FBXW7: variants seen among roughly 807,000 people sequenced by gnomAD.
The protein encoded by FBXW7 is F-box/WD repeat-containing protein 7.
FBXW7 carries 11 observed loss-of-function variants against 86.3 expected under a neutral mutation model. The observed-to-expected ratio is 0.13, with a 90% CI of 0.08 to 0.21. The LOEUF (loss-of-function observed/expected upper bound fraction) is 0.21. FBXW7 is among the 10% of genes least tolerant of loss of function. FBXW7 has a pLI of 1.00. For synonymous variants in FBXW7, 313 were observed against 297.9 expected, an observed-to-expected ratio of 1.05 and a Z score of -0.52; for missense variants, 488 against 847.4, an observed-to-expected ratio of 0.58 and a Z score of 5.27.
intron 4 of FBXW7, among the ~76,000 whole-genome samples, chr4:152,389,248 A>G (rs867989537): frequency 9.2e-5 from 14 of 152,124 alleles, no homozygotes; most frequent in Non-Finnish European, 1.9e-4. Flanking sequence ...AACTAATAAT[A>G]GAACTATCAT....
At position 152,411,722 on chromosome 4, in the gene FBXW7, C is replaced by T. The variant is rs2126882174; in HGVS notation, c.82G>A (p.Val28Ile). ...SLRGNPSSSQ[V>I]DEEQMNRVVE... ...ACACGATTCATCTGTTCTTCATCTA[C>T]CTGGCTTGAGGAAGGGTTACCTCTC... Residue 28 changes from valine to isoleucine, a missense_variant, in exon 4 of 14, where the codon GTA becomes ATA. This residue lies in a region of FBXW7 where 230 missense variants were observed against 240.0 expected (regional missense o/e 0.96). Transcript: ENST00000281708. The T allele has an allele frequency of 6.2e-7, 1 of 1,613,692 alleles. No individual in the cohort carries two copies. The highest frequency in any genetic ancestry group is 8.5e-7 in the Non-Finnish European group (1 of 1,179,812).
intron 2 of FBXW7, among the ~76,000 whole-genome samples, chr4:152,426,943 C>T (rs1739444900): frequency 1.3e-5 from 2 of 152,166 alleles, no homozygotes; most frequent in Admixed American, 1.3e-4. Flanking sequence ...GTACACAATA[C>T]AACGGGGAGC....
intron 4 of FBXW7, among the ~76,000 whole-genome samples, chr4:152,362,526 T>C (rs1207652569): frequency 6.6e-5 from 10 of 151,902 alleles, no homozygotes; most frequent in Admixed American, 6.6e-4. Context: ...AAAAAGAACT[T>C]AGGGCCGGGC....
At chr4:152,502,729 G>A (rs1158512473) in intron 2 of FBXW7, among the ~76,000 whole-genome samples, 1 of 152,048 alleles carries the variant, frequency 6.6e-6, no homozygotes, top group Non-Finnish European at 1.5e-5. Context: ...ACTGGAAGAA[G>A]GTATGCTAGA....
At chr4:152,365,075 G>A (rs1286325027) in intron 4 of FBXW7, among the ~76,000 whole-genome samples, 1 of 152,134 alleles carries the variant, frequency 6.6e-6, no homozygotes, top group Non-Finnish European at 1.5e-5. Context: ...TTCGAAGAGT[G>A]TTAAGAATGG....
chr4:152,532,022 T>C (rs1750066289), intron 2 of FBXW7, among the ~76,000 whole-genome samples: 2 of 152,330 alleles, frequency 1.3e-5, no homozygotes, highest in South Asian at 2.1e-4. Context: ...GTCTCATTCA[T>C]TCAGATTTTC....
rs990378153 is a variant in FBXW7, at chr4:152,321,120, A to C, written c.*1761T>G. 6 of 195,654 alleles carry C rather than the reference A, an allele frequency of 3.1e-5. No individual in the cohort carries two copies. Among genetic ancestry groups the C allele is most frequent in the Admixed American group, 1.8e-4 (3 of 16,488 alleles). The allele number at this position is 195,654 out of a possible 1,614,324, so 12.1% of individuals were successfully genotyped here. On this transcript the variant is annotated 3_prime_UTR_variant, in exon 14 of 14. Transcript: ENST00000281708. ...ACATTATCCTTACTTTCGCGGTATA[A>C]AACAGGCTTGAAGTATTGATTTCTA...
chr4:152,459,943 T>C (rs971543774), intron 2 of FBXW7, among the ~76,000 whole-genome samples: 2 of 152,068 alleles, frequency 1.3e-5, no homozygotes, highest in Non-Finnish European at 2.9e-5. Flanking sequence ...ATAGCCAAAT[T>C]CATAAAGACA....
At chr4:152,341,574 T>C (rs1443004791) in intron 6 of FBXW7, among the ~76,000 whole-genome samples, 1 of 152,238 alleles carries the variant, frequency 6.6e-6, no homozygotes, top group Non-Finnish European at 1.5e-5. Flanking sequence ...AAATGTTTAC[T>C]GAATAAATAA....
At chr4:152,384,829 G>A (rs898612477) in intron 4 of FBXW7, among the ~76,000 whole-genome samples, 1 of 151,848 alleles carries the variant, frequency 6.6e-6, no homozygotes, top group Non-Finnish European at 1.5e-5. Flanking sequence ...CCTATAAACT[G>A]GTAGTAGAAA....
At chr4:152,409,525 G>A (rs1737734395) in intron 4 of FBXW7, among the ~76,000 whole-genome samples, 1 of 151,964 alleles carries the variant, frequency 6.6e-6, no homozygotes, top group African/African-American at 2.4e-5. Flanking sequence ...GGAATACTCT[G>A]GCAGAAGGGT....
In FBXW7 at chr4:152,391,633, G is replaced by C. The variant is rs1008341335; in HGVS notation, c.501+19670C>G. Among the ~76,000 whole-genome samples the C allele has an allele frequency of 3.9e-5, 6 of 152,156 alleles. No individual in the cohort carries two copies. The East Asian group carries it at 1.2e-3, about 29-fold the overall frequency. Reference sequence around the variant, plus strand: ...TTGTTTCAGACTGGAACAATGATAAGGGGAAGAGATTAAACACTGACAAGA... The same window carrying C: ...TTGTTTCAGACTGGAACAATGATAACGGGAAGAGATTAAACACTGACAAGA... On this transcript the variant is annotated intron_variant, in intron 4 of 13. Coordinates refer to ENST00000281708, the MANE Select transcript of FBXW7 (RefSeq NM_001349798.2).
rs995739387 is a variant in FBXW7, at chr4:152,492,485, T to C, written c.-120+42456A>G. Among the ~76,000 whole-genome samples, 5 of 152,240 alleles carry C rather than the reference T, an allele frequency of 3.3e-5. No homozygotes were observed. In the South Asian group the frequency reaches 1.0e-3, roughly 31 times the overall value. ...ATTCCAAAGTGGCTCTCCCATTTTA[T>C]ACTCACACCAGCAATTTACGAGTGT... On this transcript the variant is annotated intron_variant, in intron 2 of 13. Transcript: ENST00000281708.
At chr4:152,452,753 A>G (rs1742021542) in intron 2 of FBXW7, among the ~76,000 whole-genome samples, 1 of 152,242 alleles carries the variant, frequency 6.6e-6, no homozygotes, top group Admixed American at 6.5e-5. Flanking sequence ...AGTTTTAAGT[A>G]ATTTTTTTTC....
At position 152,322,860 on chromosome 4, in the gene FBXW7, C is replaced by A. The variant is rs1578865651; in HGVS notation, c.*21G>T. The A allele has an allele frequency of 5.0e-6, 8 of 1,612,136 alleles. No individual in the cohort carries two copies. Among genetic ancestry groups the A allele is most frequent in the Non-Finnish European group, 6.8e-6 (8 of 1,178,588 alleles). On this transcript the variant is annotated 3_prime_UTR_variant, in exon 14 of 14. Transcript: ENST00000281708. ...GGAGTATATCGTCTACACAATTGGA[C>A]AAATTCATCTTTTCTGCTCTTCACT... is the stretch of plus-strand genomic sequence containing the variant.
intron 2 of FBXW7, among the ~76,000 whole-genome samples, chr4:152,421,464 G>A (rs1276055917): frequency 6.6e-6 from 1 of 152,156 alleles, no homozygotes; most frequent in Non-Finnish European, 1.5e-5. Context: ...TGAGGAAGCC[G>A]AGGTGGGAGG....
intron 4 of FBXW7, among the ~76,000 whole-genome samples, chr4:152,370,405 GATAA>G (rs1733905136): frequency 6.6e-6 from 1 of 151,896 alleles, no homozygotes; most frequent in Non-Finnish European, 1.5e-5. Flanking sequence ...GTGCTTTTGG[GATAA>G]ATATTTAACC....
intron 2 of FBXW7, among the ~76,000 whole-genome samples, chr4:152,532,528 T>A (rs1388195210): frequency 6.6e-6 from 1 of 152,206 alleles, no homozygotes; most frequent in African/African-American, 2.4e-5. Context: ...TCAAACCAGC[T>A]TCGTAATTTT....
At chr4:152,534,256 TAA>T (rs1301796554) in intron 2 of FBXW7, among the ~76,000 whole-genome samples, 3 of 133,946 alleles carry the variant, frequency 2.2e-5, no homozygotes, top group Non-Finnish European at 1.6e-5. Context: ...TTTGTTACTC[TAA>T]AAAAAAAAAG....
Sources: allele counts gnomAD v4.1 joint callset (sites outside exome capture counted in the v4.1 genomes callset), GRCh38; gene constraint gnomAD v4.1.1; regional missense constraint gnomAD v4.1.1; transcripts MANE v1.5; gene names NCBI Gene and HGNC (gene_info 2026-07-23, HGNC 2026-07-21).